DPP10: variants seen among roughly 807,000 people sequenced by gnomAD.
DPP10 encodes dipeptidyl peptidase like 10, also known as inactive dipeptidyl peptidase 10.
In DPP10, 33 loss-of-function variants were observed where a neutral mutation model predicts 120.9. That is an observed-to-expected ratio of 0.27 (90% CI 0.21 to 0.37). The LOEUF (loss-of-function observed/expected upper bound fraction) is 0.37, where lower values mean the gene tolerates loss of function less well. DPP10 is among the 10% of genes least tolerant of loss of function. DPP10 has a pLI of 1.00. For missense variants in DPP10, 816 were observed against 942.8 expected, an observed-to-expected ratio of 0.87 and a Z score of 1.76; for synonymous variants, 337 against 326.1, an observed-to-expected ratio of 1.03 and a Z score of -0.36.
intron 5 of DPP10, among the ~76,000 whole-genome samples, chr2:115,629,607 G>A (rs1027779460): frequency 2.6e-5 from 4 of 152,112 alleles, no homozygotes; most frequent in Non-Finnish European, 5.9e-5. Context: ...CTGCATAAAT[G>A]TCTTCTTTTG....
rs149146875 is a variant in DPP10 at position 115,027,511 on chromosome 2, A to G, written c.61-281728A>G. 7.1e-3 allele frequency among the ~76,000 whole-genome samples: 1,082 copies of G among 152,186 alleles called. 12 individuals carry two copies. Among genetic ancestry groups the G allele is most frequent in the African/African-American group, 0.025 (1,023 of 41,538 alleles). ...AATATCATGGTGAATTATCTTTTTA[A>G]CATGCTGTTGAATTCAGTTTGCTAT... On this transcript the variant is annotated intron_variant, in intron 1 of 25. Transcript: ENST00000410059.
chr2:114,738,952 C>T (rs968078744), intron 1 of DPP10, among the ~76,000 whole-genome samples: 3 of 152,154 alleles, frequency 2.0e-5, no homozygotes, highest in Non-Finnish European at 2.9e-5. Context: ...AATGTCTCCC[C>T]TATCCTAATT....
chr2:115,019,057 C>T (rs1702879086), intron 1 of DPP10, among the ~76,000 whole-genome samples: 1 of 151,686 alleles, frequency 6.6e-6, no homozygotes, highest in South Asian at 2.1e-4. Context: ...ACCTGCCACC[C>T]CTCCCCCACC....
chr2:115,682,513 G>A (rs572640822), intron 5 of DPP10, among the ~76,000 whole-genome samples: 3 of 151,842 alleles, frequency 2.0e-5, no homozygotes, highest in Admixed American at 2.0e-4. Context: ...TTTAAAGAAG[G>A]TTTTTCTATA....
intron 1 of DPP10, among the ~76,000 whole-genome samples, chr2:115,081,528 A>G (rs1708274122): frequency 6.6e-6 from 1 of 152,068 alleles, no homozygotes; most frequent in Non-Finnish European, 1.5e-5. Flanking sequence ...TCCTTCATTT[A>G]TTTACACCTT....
At chr2:114,630,589 A>G (rs1694847778) in intron 1 of DPP10, among the ~76,000 whole-genome samples, 1 of 152,150 alleles carries the variant, frequency 6.6e-6, no homozygotes, top group Non-Finnish European at 1.5e-5. Context: ...ACCCCAAGAG[A>G]ATAGCTGCCA....
chr2:114,675,838 T>C (rs1220139579), intron 1 of DPP10, among the ~76,000 whole-genome samples: 1 of 151,930 alleles, frequency 6.6e-6, no homozygotes, highest in East Asian at 1.9e-4. Context: ...TCTTGCCCTG[T>C]CACCCAGGCT....
At chr2:114,954,227 C>T (rs1179752628) in intron 1 of DPP10, among the ~76,000 whole-genome samples, 1 of 151,642 alleles carries the variant, frequency 6.6e-6, no homozygotes, top group Non-Finnish European at 1.5e-5. Context: ...ACTACAGGCG[C>T]CCGCCACCAC....
At chr2:115,755,126 T>A (rs1679233161) in intron 11 of DPP10, among the ~76,000 whole-genome samples, 1 of 152,100 alleles carries the variant, frequency 6.6e-6, no homozygotes, top group Admixed American at 6.6e-5. Flanking sequence ...CAGAGGCAAC[T>A]ACTATTCTGA....
intron 1 of DPP10, among the ~76,000 whole-genome samples, chr2:114,678,174 G>A (rs1316191571): frequency 6.6e-6 from 1 of 152,038 alleles, no homozygotes; most frequent in Non-Finnish European, 1.5e-5. Flanking sequence ...TAGTAGCTCT[G>A]AAGATAAAAA....
chr2:115,657,927 T>C (rs2088540052), intron 5 of DPP10, among the ~76,000 whole-genome samples: 1 of 151,924 alleles, frequency 6.6e-6, no homozygotes, highest in Non-Finnish European at 1.5e-5. Flanking sequence ...TGGAAGAACC[T>C]TCCACAGAGC....
At chr2:114,524,996 T>C (rs151282948) in intron 1 of DPP10, among the ~76,000 whole-genome samples, 25 of 152,278 alleles carry the variant, frequency 1.6e-4, no homozygotes, top group African/African-American at 5.8e-4. Context: ...GAACGTAGAA[T>C]TCAGCATAGT....
chr2:114,476,844 A>G (rs1368289067), intron 1 of DPP10, among the ~76,000 whole-genome samples: 2 of 152,208 alleles, frequency 1.3e-5, no homozygotes, highest in Non-Finnish European at 2.9e-5. Context: ...GAAACAGAAC[A>G]TGAAAAGCAC....
At chr2:115,125,274 T>C (rs2050016381) in intron 1 of DPP10, among the ~76,000 whole-genome samples, 1 of 152,166 alleles carries the variant, frequency 6.6e-6, no homozygotes, top group East Asian at 1.9e-4. Flanking sequence ...AAATCATCTC[T>C]GAGTATAAAA....
intron 4 of DPP10, among the ~76,000 whole-genome samples, chr2:115,501,303 T>G (rs1279716349): frequency 1.3e-5 from 2 of 152,108 alleles, no homozygotes; most frequent in African/African-American, 4.8e-5. Context: ...TCTTCCATGA[T>G]ACATCAAAAA....
chr2:115,596,711 T>C lies in DPP10; in HGVS notation c.441+70739T>C, dbSNP rs1575286809. The stretch of plus-strand genomic sequence containing the variant: ...ATTTGGCCTAAATATTGTATCATCA[T>C]CTGCTCAAACCACGGGAAAAAATTA... On this transcript the variant is annotated intron_variant, in intron 5 of 25. Transcript: ENST00000410059. Among the ~76,000 whole-genome samples the C allele has an allele frequency of 2.6e-5, 4 of 152,290 alleles. 1 individual carries two copies. The highest frequency in any genetic ancestry group is 9.6e-5 in the African/African-American group (4 of 41,592).
intron 5 of DPP10, among the ~76,000 whole-genome samples, chr2:115,586,282 G>A (rs538274546): frequency 5.3e-5 from 8 of 152,266 alleles, no homozygotes; most frequent in East Asian, 1.9e-4. Context: ...AGCTGAGATC[G>A]TGCCATTGCA....
At chr2:115,675,441 A>T (rs1000104458) in intron 5 of DPP10, among the ~76,000 whole-genome samples, 4 of 75,278 alleles carry the variant, frequency 5.3e-5, no homozygotes, top group African/African-American at 1.5e-4. Flanking sequence ...CATAACAGCA[A>T]ACCACACACA....
chr2:114,842,983 C>A (rs909087544), intron 1 of DPP10, among the ~76,000 whole-genome samples: 2 of 152,012 alleles, frequency 1.3e-5, no homozygotes, highest in Non-Finnish European at 1.5e-5. Context: ...TAAAAAGTGA[C>A]GTGCTCAGTA....
Sources: allele counts gnomAD v4.1 joint callset (sites outside exome capture counted in the v4.1 genomes callset), GRCh38; gene constraint gnomAD v4.1.1; transcripts MANE v1.5; gene names NCBI Gene and HGNC (gene_info 2026-07-23, HGNC 2026-07-21).